WFDC10B: variants seen among roughly 807,000 people sequenced by gnomAD.
WFDC10B encodes WAP four-disulfide core domain 10B.
A neutral mutation model predicts 2.7 loss-of-function variants in WFDC10B; 1 was observed. The observed-to-expected ratio is 0.38, with a 90% CI of 0.13 to 1.79. The LOEUF (loss-of-function observed/expected upper bound fraction) is 1.79, where lower values mean the gene tolerates loss of function less well. Among genes scored for constraint, WFDC10B ranks in the 40% most tolerant of loss-of-function variants. The pLI is 0.33. For missense variants in WFDC10B, 71 were observed against 87.8 expected (o/e 0.81, Z 0.76); for synonymous variants, 26 against 32.2 (o/e 0.81, Z 0.65).
At chr20:45,694,217 C>A (rs1363070901) in intron 2 of WFDC10B, among the ~76,000 whole-genome samples, 1 of 152,186 alleles carries the variant, frequency 6.6e-6, no homozygotes, top group Non-Finnish European at 1.5e-5. Context: ...ATGCCTATGT[C>A]CTGAATGGTA....
At position 45,691,150 on chromosome 20, in the gene WFDC10B, G is replaced by A. The variant is rs545366091; in HGVS notation, c.-64-5094C>T. Reference sequence around the variant, plus strand: ...TTTCCATGTAGTTGAGCGGTTTTGAGTGAGTTTCTTAATGCTGAGTTCTAG... The same window carrying A: ...TTTCCATGTAGTTGAGCGGTTTTGAATGAGTTTCTTAATGCTGAGTTCTAG... On this transcript the variant is annotated intron_variant, in intron 2 of 3. Transcript: ENST00000330523. 2.2e-3 allele frequency among the ~76,000 whole-genome samples: 338 copies of A among 152,306 alleles called. 1 individual carries two copies. The South Asian group carries it at 0.022, about 10-fold the overall frequency.
chr20:45,687,082 G>A (rs150974103), intron 2 of WFDC10B, among the ~76,000 whole-genome samples: 5 of 152,208 alleles, frequency 3.3e-5, no homozygotes, highest in East Asian at 3.9e-4. Flanking sequence ...TGCTGTGGGG[G>A]CTTGCTGCAC....
intron 2 of WFDC10B, among the ~76,000 whole-genome samples, chr20:45,690,015 C>G (rs1983755924): frequency 2.6e-5 from 4 of 151,968 alleles, no homozygotes; most frequent in African/African-American, 9.7e-5. Flanking sequence ...AGATACGTCC[C>G]ATCAATACCT....
intron 2 of WFDC10B, among the ~76,000 whole-genome samples, chr20:45,692,097 G>T (rs919321498): frequency 2.0e-5 from 3 of 152,096 alleles, no homozygotes; most frequent in African/African-American, 7.2e-5. Context: ...CACTTATGAA[G>T]CTTAGTTTGG....
At chr20:45,685,747 G>A (rs1418054248) in intron 3 of WFDC10B, among the ~76,000 whole-genome samples, 155 bp downstream of exon 3, 1 of 152,192 alleles carries the variant, frequency 6.6e-6, no homozygotes, top group Non-Finnish European at 1.5e-5. Flanking sequence ...GGGTTGGAGG[G>A]CCATGGTTTG....
chr20:45,694,916 C>T (rs1373886786), intron 2 of WFDC10B, among the ~76,000 whole-genome samples: 1 of 152,200 alleles, frequency 6.6e-6, no homozygotes, highest in Non-Finnish European at 1.5e-5. Context: ...TGATGAGCTT[C>T]TGAATTGGTG....
intron 2 of WFDC10B, among the ~76,000 whole-genome samples, chr20:45,686,432 C>T (rs1983620951): frequency 6.6e-6 from 1 of 152,098 alleles, no homozygotes; most frequent in Admixed American, 6.5e-5. Flanking sequence ...TTTATTTTCT[C>T]ATTTTTGAAT....
intron 2 of WFDC10B, among the ~76,000 whole-genome samples, chr20:45,690,133 G>A (rs1015442341): frequency 6.6e-6 from 1 of 152,058 alleles, no homozygotes; most frequent in Non-Finnish European, 1.5e-5. Context: ...TTTATATGCT[G>A]GATTACATTT....
intron 2 of WFDC10B, among the ~76,000 whole-genome samples, chr20:45,689,164 T>C (rs1983725726): frequency 6.7e-6 from 1 of 149,548 alleles, no homozygotes. Flanking sequence ...TATGTGGCGT[T>C]ATTTCTGAGG....
intron 2 of WFDC10B, among the ~76,000 whole-genome samples, chr20:45,693,571 T>G (rs1983886446): frequency 6.6e-6 from 1 of 152,158 alleles, no homozygotes; most frequent in African/African-American, 2.4e-5. Flanking sequence ...GCCTTGCTGT[T>G]TGATCTCCGA....
intron 2 of WFDC10B, chr20:45,702,361 C>A (rs555729960): frequency 4.2e-5 from 34 of 815,272 alleles, no homozygotes; most frequent in Admixed American, 3.3e-4. Context: ...GGTTTGAATC[C>A]CTGCTCTGTT....
At chr20:45,688,239 G>A (rs1983695337) in intron 2 of WFDC10B, among the ~76,000 whole-genome samples, 1 of 151,976 alleles carries the variant, frequency 6.6e-6, no homozygotes, top group African/African-American at 2.4e-5. Context: ...ATTCCATGGT[G>A]TATATGTGCC....
chr20:45,684,982 G>A (rs1293358036), intron 3 of WFDC10B, 22 bp from the exon 4 acceptor site: 30 of 1,613,168 alleles, frequency 1.9e-5, no homozygotes, highest in Non-Finnish European at 2.5e-5. Context: ...CAGGAGCAGG[G>A]TCAATGAAAC....
Position 45,702,055 on chromosome 20 carries a change from C to T in WFDC10B, c.-65+2442G>A, listed in dbSNP as rs73908188. On this transcript the variant is annotated intron_variant, in intron 2 of 3. Transcript: ENST00000330523. ...ACTTTGCCCTCTTTCCTTCTCTTCT[C>T]CTCACAGCAGTGCCTGGTCAAACCC... 2.0e-3 allele frequency: 2,926 copies of T among 1,464,820 alleles called. 45 individuals are homozygous for T. In the African/African-American group the frequency reaches 0.036, roughly 18 times the overall value. The allele number at this position is 1,464,820 out of a possible 1,614,324, so 90.7% of individuals were successfully genotyped here.
intron 2 of WFDC10B, chr20:45,701,982 C>A (rs901259021): frequency 1.4e-6 from 1 of 701,432 alleles, no homozygotes; most frequent in Non-Finnish European, 2.4e-6. Context: ...CCTGCCCTGC[C>A]GGTTTTGATT....
intron 3 of WFDC10B, among the ~76,000 whole-genome samples, chr20:45,685,449 T>TACTTA (rs908042777): frequency 1.3e-5 from 2 of 152,190 alleles, no homozygotes; most frequent in Non-Finnish European, 2.9e-5. Flanking sequence ...TTTGATGTTA[T>TACTTA]ACTTAACTTT....
chr20:45,684,855 C>T lies in WFDC10B; in HGVS notation c.197G>A (p.Gly66Glu). 3.1e-6 allele frequency: 5 copies of T among 1,613,930 alleles called. No individual in the cohort carries two copies. Among genetic ancestry groups the T allele is most frequent in the South Asian group, 2.2e-5 (2 of 91,064 alleles). The change falls in exon 4 of 4, where the codon GGG (glycine) becomes GAG (glutamate). Residue 66 changes from glycine (G) to glutamate (E), a missense_variant. By Grantham distance (98) the Gly-to-Glu change is moderately conservative. Coordinates refer to ENST00000330523, the MANE Select transcript of WFDC10B (RefSeq NM_172006.2). The part of the protein sequence containing the change: ...TNKICCSAFC[G>E]NICMSIL ...TCATAGGATGCTCATACAAATGTTC[C>T]CACAGAAGGCTGAACAGCATATCTT...
intron 2 of WFDC10B, among the ~76,000 whole-genome samples, chr20:45,696,193 G>A (rs1421548596): frequency 1.3e-5 from 2 of 151,372 alleles, no homozygotes; most frequent in African/African-American, 4.9e-5. Context: ...GTCTGAGGCA[G>A]GAGAATCGCT....
At chr20:45,692,157 A>G (rs1983832867) in intron 2 of WFDC10B, among the ~76,000 whole-genome samples, 1 of 152,076 alleles carries the variant, frequency 6.6e-6, no homozygotes. Flanking sequence ...GATGTTGAAT[A>G]TTGGTCCCCA....
Sources: allele counts gnomAD v4.1 joint callset (sites outside exome capture counted in the v4.1 genomes callset), GRCh38; gene constraint gnomAD v4.1.1; transcripts MANE v1.5; gene names NCBI Gene and HGNC (gene_info 2026-07-23, HGNC 2026-07-21).